SLC6A13: variants seen among roughly 807,000 people sequenced by gnomAD.
SLC6A13 encodes sodium- and chloride-dependent GABA transporter 2.
SLC6A13 carries 69 observed loss-of-function variants against 72.9 expected under a neutral mutation model. The ratio of observed to expected loss-of-function variants is 0.95; its 90% CI spans 0.78 to 1.16. SLC6A13 has a LOEUF of 1.16. SLC6A13 is among the 50% of genes most tolerant of loss of function. The pLI, the probability that SLC6A13 is intolerant of heterozygous loss-of-function variation, is 0.00. For synonymous variants in SLC6A13, 303 were observed against 303.0 expected, an observed-to-expected ratio of 1.00 and a Z score of 0.00; for missense variants, 735 against 760.5, an observed-to-expected ratio of 0.97 and a Z score of 0.39.
At chr12:224,629 C>T (rs1041468661) in intron 9 of SLC6A13, 116 bp from the exon 10 acceptor site, 3 of 768,766 alleles carry the variant, frequency 3.9e-6, no homozygotes, top group Non-Finnish European at 6.4e-6. Context: ...GAAACTTCAC[C>T]CCAAAGTTGC....
intron 2 of SLC6A13, among the ~76,000 whole-genome samples, chr12:250,053 C>T (rs1565505715): frequency 6.6e-6 from 1 of 152,038 alleles, no homozygotes; most frequent in Non-Finnish European, 1.5e-5. Flanking sequence ...ACTATATGAT[C>T]ATTTCATAGG....
intron 7 of SLC6A13, among the ~76,000 whole-genome samples, chr12:232,532 T>G (rs1941753359): frequency 1.3e-5 from 2 of 152,250 alleles, no homozygotes; most frequent in African/African-American, 2.4e-5. Flanking sequence ...AATTACTGGC[T>G]GCACAACCTT....
chr12:226,246 G>T, intron 9 of SLC6A13, 144 bp downstream of exon 9: 1 of 955,210 alleles, frequency 1.0e-6, no homozygotes, highest in Non-Finnish European at 1.6e-6. Context: ...TCAATTCTCC[G>T]CCAAGTCTTC....
intron 4 of SLC6A13, among the ~76,000 whole-genome samples, chr12:239,252 C>A (rs1460487677): frequency 2.7e-5 from 1 of 36,588 alleles, no homozygotes; most frequent in Non-Finnish European, 1.7e-4. Context: ...ACACCATTCC[C>A]TTCAGCCACC....
At chr12:226,937 C>T (rs975086149) in intron 8 of SLC6A13, 1 of 171,076 alleles carries the variant, frequency 5.8e-6, no homozygotes, top group Non-Finnish European at 1.3e-5. Context: ...TTTTGAGAGG[C>T]ACCATATGAT....
At chr12:257,890 A>G (rs1942798807) in intron 2 of SLC6A13, among the ~76,000 whole-genome samples, 1 of 152,006 alleles carries the variant, frequency 6.6e-6, no homozygotes. Flanking sequence ...CCTTTACCCA[A>G]TTCCAGAGAG....
At position 221,028 on chromosome 12, in the gene SLC6A13, G is replaced by A. The variant is rs146023208; in HGVS notation, c.1729C>T (p.Arg577Trp). 7.4e-5 allele frequency: 119 copies of A among 1,611,610 alleles called. No homozygotes were observed. The East Asian group carries it at 1.2e-3, about 17-fold the overall frequency. ...GGAGCCGAGGGTCCTGCTGGGTTCC[G>A]CTGGGGCAGGTCCTCGGCTGGGCAC... ...LMCPAEDLPQ[R>W]NPAGPSAPAT... The change falls in exon 15 of 15, where the codon CGG becomes TGG. Residue 577 changes from arginine to tryptophan, a missense_variant. Physicochemically the swap from Arg to Trp is moderately radical, Grantham distance 101. Transcript: ENST00000343164.
rs1316604420 is a variant in SLC6A13, at chr12:254,302, A to C, written c.202+5549T>G. On this transcript the variant is annotated intron_variant, in intron 2 of 14. Transcript: ENST00000343164. This position sits in a 1 kb window ranked among gnomAD's most constrained non-coding sequence, Gnocchi z 4.4. ...CGCCCAGAAGGGAAATACACAAGGA[A>C]GGGGTGGATTTTACCTACTCCCACA... Among the ~76,000 whole-genome samples the C allele has an allele frequency of 6.6e-6, 1 of 152,220 alleles. No homozygotes were observed. Among genetic ancestry groups the C allele is most frequent in the Non-Finnish European group, 1.5e-5 (1 of 68,034 alleles).
rs140350734 is a variant in SLC6A13, at chr12:247,513, G to A, written c.203-3700C>T. ...CCCAGCAATAATACTGTTCAAAAAG[G>A]AAAGTGAAATAACTGTTTCTTAAGA... On this transcript the variant is annotated intron_variant, in intron 2 of 14. Transcript: ENST00000343164. 1.4e-4 allele frequency among the ~76,000 whole-genome samples: 22 copies of A among 152,284 alleles called. No individual in the cohort carries two copies. The East Asian group carries it at 4.2e-3, about 29-fold the overall frequency.
intron 2 of SLC6A13, among the ~76,000 whole-genome samples, chr12:251,410 T>A (rs1942542230): frequency 6.6e-6 from 1 of 152,140 alleles, no homozygotes; most frequent in South Asian, 2.1e-4. Context: ...CATAAGTGAA[T>A]ACCCATACAA....
At position 260,308 on chromosome 12, in the gene SLC6A13, T is replaced by C. The variant is rs1942886079; in HGVS notation, c.-5-251A>G. ...ACTGACAGACAGCCTTTGCTTCCAC[T>C]ATAAGGCCCTCTTGGGTTGAGGATT... On this transcript the variant is annotated intron_variant, in intron 1 of 14. Coordinates refer to ENST00000343164, the MANE Select transcript of SLC6A13 (RefSeq NM_016615.5). 2.6e-5 allele frequency among the ~76,000 whole-genome samples: 4 copies of C among 152,222 alleles called. No homozygotes were observed. In the South Asian group the frequency reaches 8.3e-4, roughly 31 times the overall value.
At chr12:261,512 G>A (rs1942925502) in intron 1 of SLC6A13, among the ~76,000 whole-genome samples, 1 of 152,196 alleles carries the variant, frequency 6.6e-6, no homozygotes, top group African/African-American at 2.4e-5. Flanking sequence ...CTCTTTTCTG[G>A]AGAAGGAGGC....
intron 4 of SLC6A13, among the ~76,000 whole-genome samples, chr12:241,485 A>T (rs2137294802): frequency 6.6e-6 from 1 of 152,304 alleles, no homozygotes; most frequent in Non-Finnish European, 1.5e-5. Flanking sequence ...CAGGGCAGCC[A>T]CGAGCCACCT....
chr12:241,622 G>C (rs1438557067), intron 4 of SLC6A13, among the ~76,000 whole-genome samples: 2 of 152,246 alleles, frequency 1.3e-5, no homozygotes, highest in Non-Finnish European at 2.9e-5. Flanking sequence ...CAGTGGGACT[G>C]CCCGTGAAAG....
At chr12:243,937 G>C in intron 2 of SLC6A13, 124 bp from the exon 3 acceptor site, 1 of 802,856 alleles carries the variant, frequency 1.2e-6, no homozygotes, top group Non-Finnish European at 2.0e-6. Context: ...ATGCAAAACT[G>C]CAGGAGACAG....
intron 2 of SLC6A13, chr12:258,942 G>T (rs1180415863): frequency 4.1e-6 from 4 of 985,492 alleles, no homozygotes; most frequent in African/African-American, 1.7e-5. Flanking sequence ...GTAGGAAAAA[G>T]ACACAAGACC....
At chr12:258,756 C>T (rs1452463532) in intron 2 of SLC6A13, among the ~76,000 whole-genome samples, 1 of 152,164 alleles carries the variant, frequency 6.6e-6, no homozygotes, top group Admixed American at 6.5e-5. Context: ...AGCAGAGTTA[C>T]CCCAGGGGGC....
rs550843569 is a variant in SLC6A13 at position 260,756 on chromosome 12, T to C, written c.-5-699A>G. ...AACAGTACATACAATATGATCATGC[T>C]TGACAAATATTTTATAAAGTATTTA... On this transcript the variant is annotated intron_variant, in intron 1 of 14. Transcript: ENST00000343164. 1.2e-4 allele frequency among the ~76,000 whole-genome samples: 18 copies of C among 152,366 alleles called. No homozygotes were observed. In the South Asian group the frequency reaches 3.7e-3, roughly 32 times the overall value.
chr12:262,766 A>T (rs1327669289), intron 1 of SLC6A13, 23 bp downstream of exon 1: 2 of 910,486 alleles, frequency 2.2e-6, no homozygotes, highest in Admixed American at 1.2e-4. Context: ...AATAGAAAAA[A>T]AAGAGAAGAA....
Sources: allele counts gnomAD v4.1 joint callset (sites outside exome capture counted in the v4.1 genomes callset), GRCh38; gene constraint gnomAD v4.1.1; non-coding constraint Gnocchi (gnomAD v3.1); transcripts MANE v1.5; gene names NCBI Gene and HGNC (gene_info 2026-07-23, HGNC 2026-07-21).